GPC6: variants seen among roughly 807,000 people sequenced by gnomAD.
GPC6 encodes glypican 6, also known as glypican-6.
Under a neutral mutation model 55.2 loss-of-function variants are expected in GPC6, and 14 were observed. That is an observed-to-expected ratio of 0.25 (90% CI 0.17 to 0.40). The LOEUF (loss-of-function observed/expected upper bound fraction) is 0.40. GPC6 is among the 10% of genes least tolerant of loss of function. The probability of loss-of-function intolerance (pLI) is 1.00; values close to 1 mark genes in which losing one functional copy is unlikely to be tolerated. For missense variants in GPC6, 641 were observed against 708.5 expected, an observed-to-expected ratio of 0.90 and a Z score of 1.08; for synonymous variants, 278 against 259.6, an observed-to-expected ratio of 1.07 and a Z score of -0.68.
chr13:93,761,463 C>T (rs141015929), intron 2 of GPC6, among the ~76,000 whole-genome samples: 4 of 152,328 alleles, frequency 2.6e-5, no homozygotes, highest in African/African-American at 7.2e-5. Flanking sequence ...TACCCCACCC[C>T]TATCTCCTGC....
At chr13:93,529,429 T>C (rs1469507136) in intron 1 of GPC6, among the ~76,000 whole-genome samples, 2 of 151,996 alleles carry the variant, frequency 1.3e-5, no homozygotes, top group East Asian at 3.9e-4. Flanking sequence ...TCCAGGATTA[T>C]GTGGTCTTAT....
At chr13:93,571,254 C>A (rs775687401) in intron 2 of GPC6, among the ~76,000 whole-genome samples, 2 of 152,100 alleles carry the variant, frequency 1.3e-5, no homozygotes, top group Non-Finnish European at 1.5e-5. Context: ...TACATGTACA[C>A]GTGTGCACAT....
intron 2 of GPC6, among the ~76,000 whole-genome samples, chr13:93,629,528 T>G (rs1411649597): frequency 6.6e-6 from 1 of 152,176 alleles, no homozygotes; most frequent in East Asian, 1.9e-4. Flanking sequence ...GTCATACAGT[T>G]GATCCAATTC....
chr13:94,184,358 A>G (rs1889099499), intron 4 of GPC6, among the ~76,000 whole-genome samples: 1 of 152,194 alleles, frequency 6.6e-6, no homozygotes, highest in Non-Finnish European at 1.5e-5. Flanking sequence ...GACAACCTAC[A>G]GAATGGGAGA....
At chr13:93,740,723 T>G (rs1357978025) in intron 2 of GPC6, among the ~76,000 whole-genome samples, 7 of 152,168 alleles carry the variant, frequency 4.6e-5, no homozygotes, top group Admixed American at 4.6e-4. Flanking sequence ...TTAGATGAAT[T>G]TAATGCTAAT....
intron 3 of GPC6, among the ~76,000 whole-genome samples, chr13:93,895,134 A>G (rs1180140685): frequency 6.7e-6 from 1 of 149,322 alleles, no homozygotes; most frequent in Non-Finnish European, 1.5e-5. Flanking sequence ...ATATATGTCT[A>G]TATATATATT....
At chr13:93,573,986 A>C (rs187992342) in intron 2 of GPC6, among the ~76,000 whole-genome samples, 1 of 152,166 alleles carries the variant, frequency 6.6e-6, no homozygotes. Flanking sequence ...TGGTCATAAT[A>C]ACACCCGATT....
intron 1 of GPC6, among the ~76,000 whole-genome samples, chr13:93,448,762 T>C (rs962364020): frequency 1.3e-5 from 2 of 152,178 alleles, no homozygotes; most frequent in African/African-American, 4.8e-5. Context: ...AATTCTTTTG[T>C]CCCATCCAGT....
chr13:93,611,773 T>TAATA (rs982610629), intron 2 of GPC6, among the ~76,000 whole-genome samples: 16 of 152,218 alleles, frequency 1.1e-4, no homozygotes, highest in African/African-American at 3.9e-4. Flanking sequence ...ATTCTAAGAA[T>TAATA]AATAAGTCAT....
intron 1 of GPC6, among the ~76,000 whole-genome samples, chr13:93,496,440 A>T (rs1401623548): frequency 6.6e-6 from 1 of 152,026 alleles, no homozygotes; most frequent in Non-Finnish European, 1.5e-5. Context: ...TGAACCCATT[A>T]CCTCAGATGG....
chr13:93,739,186 A>G (rs1884112752), intron 2 of GPC6, among the ~76,000 whole-genome samples: 1 of 152,000 alleles, frequency 6.6e-6, no homozygotes, highest in Non-Finnish European at 1.5e-5. Context: ...TTCATGGGAA[A>G]ATTGTTAGAA....
intron 4 of GPC6, among the ~76,000 whole-genome samples, chr13:94,057,903 A>G (rs1207117493): frequency 1.3e-5 from 2 of 152,200 alleles, no homozygotes; most frequent in Admixed American, 1.3e-4. Context: ...CAAACTCACT[A>G]TAGATTCATC....
At chr13:94,152,220 C>T (rs1340815729) in intron 4 of GPC6, among the ~76,000 whole-genome samples, 1 of 152,146 alleles carries the variant, frequency 6.6e-6, no homozygotes, top group Non-Finnish European at 1.5e-5. Flanking sequence ...CCTTCCAAAC[C>T]TCCTTTTCTT....
intron 3 of GPC6, among the ~76,000 whole-genome samples, chr13:93,883,580 T>C (rs1875131384): frequency 6.6e-6 from 1 of 152,170 alleles, no homozygotes; most frequent in African/African-American, 2.4e-5. Context: ...TTTCATATGC[T>C]TGTTGGCCAT....
chr13:93,670,165 G>C (rs1332925798), intron 2 of GPC6, among the ~76,000 whole-genome samples: 1 of 152,082 alleles, frequency 6.6e-6, no homozygotes, highest in Non-Finnish European at 1.5e-5. Flanking sequence ...TAGTCAGTTT[G>C]CTTGCCAATA....
chr13:93,458,009 T>A (rs1878531762), intron 1 of GPC6, among the ~76,000 whole-genome samples: 1 of 152,206 alleles, frequency 6.6e-6, no homozygotes, highest in Admixed American at 6.5e-5. Flanking sequence ...AAGGTGCATC[T>A]TTATGAGTAA....
At chr13:93,771,713 A>C (rs1024170261) in intron 2 of GPC6, among the ~76,000 whole-genome samples, 2 of 133,546 alleles carry the variant, frequency 1.5e-5, no homozygotes, top group African/African-American at 5.4e-5. Context: ...CCTAAAACTT[A>C]AAGTATAATA....
chr13:93,224,824 T>C (rs1875714009), upstream of GPC6, among the ~76,000 whole-genome samples: 1 of 152,224 alleles, frequency 6.6e-6, no homozygotes, highest in Admixed American at 6.5e-5. Context: ...AAGCAAGTTA[T>C]CTAATTCTTT....
chr13:93,385,737 G>T (rs1875370951), intron 1 of GPC6, among the ~76,000 whole-genome samples: 1 of 152,026 alleles, frequency 6.6e-6, no homozygotes, highest in African/African-American at 2.4e-5. Context: ...CCCAGATTTT[G>T]TTTCTAAGAT....
Sources: gnomAD v4.1 joint callset for allele counts (sites outside exome capture counted in the v4.1 genomes callset) on GRCh38, gnomAD v4.1.1 for gene constraint, MANE v1.5 for transcripts, NCBI Gene and HGNC (gene_info 2026-07-23, HGNC 2026-07-21) for gene names.